Variants in CELF2 observed in about 807,000 individuals in gnomAD.
The protein encoded by CELF2 is CUGBP Elav-like family member 2.
In CELF2, 8 loss-of-function variants were observed where a neutral mutation model predicts 62.6. That is an observed-to-expected ratio of 0.13 (90% confidence interval 0.07 to 0.23). The LOEUF (loss-of-function observed/expected upper bound fraction) is 0.23. Among genes scored for constraint, CELF2 ranks in the 10% least tolerant of loss-of-function variants. The pLI, the probability that CELF2 is intolerant of heterozygous loss-of-function variation, is 1.00. For missense variants in CELF2, 333 were observed against 671.0 expected (o/e 0.50, Z 5.56); for synonymous variants, 258 against 250.0 (o/e 1.03, Z -0.30).
At chr10:10,760,571 A>T in the CELF2 span, among the ~76,000 whole-genome samples, 2 of 152,168 alleles carry the variant, frequency 1.3e-5, no homozygotes, top group Non-Finnish European at 2.9e-5. Context: ...GAAGCAGTGA[A>T]TGGGGGATGT....
chr10:10,509,473 A>T, the CELF2 span, among the ~76,000 whole-genome samples: 1 of 152,224 alleles, frequency 6.6e-6, no homozygotes, highest in South Asian at 2.1e-4. Flanking sequence ...GTGAGAACAG[A>T]GGAATCTGAC....
chr10:10,800,153 T>C (rs2054516150), intron 1 of CELF2, among the ~76,000 whole-genome samples: 1 of 152,248 alleles, frequency 6.6e-6, no homozygotes, highest in Non-Finnish European at 1.5e-5. Context: ...AAATTGCCAA[T>C]ACCCATCTTA....
At chr10:10,697,828 C>T in the CELF2 span, among the ~76,000 whole-genome samples, 17 of 152,250 alleles carry the variant, frequency 1.1e-4, no homozygotes, top group East Asian at 3.3e-3. Flanking sequence ...TGCTCTGTCA[C>T]CCAGGCTGGA....
At chr10:11,154,545 T>G (rs2063932894) in intron 1 of CELF2, among the ~76,000 whole-genome samples, 1 of 152,220 alleles carries the variant, frequency 6.6e-6, no homozygotes, top group Non-Finnish European at 1.5e-5. Flanking sequence ...GTTTTGAGAT[T>G]GTCAGAGAGG....
the CELF2 span, among the ~76,000 whole-genome samples, chr10:10,666,483 G>A: frequency 6.6e-6 from 1 of 152,188 alleles, no homozygotes; most frequent in Admixed American, 6.5e-5. Flanking sequence ...GGTAGTGGAA[G>A]TAGCAAACAA....
At chr10:10,573,906 T>A in the CELF2 span, among the ~76,000 whole-genome samples, 1 of 152,160 alleles carries the variant, frequency 6.6e-6, no homozygotes, top group African/African-American at 2.4e-5. Context: ...TGCATATTTT[T>A]ATTTATATAT....
chr10:11,089,757 G>T (rs1232991983), intron 1 of CELF2, among the ~76,000 whole-genome samples: 1 of 152,160 alleles, frequency 6.6e-6, no homozygotes, highest in East Asian at 1.9e-4. Context: ...GTTCACAATA[G>T]CAAAGACACG....
the CELF2 span, among the ~76,000 whole-genome samples, chr10:10,613,338 A>G: frequency 6.6e-6 from 1 of 152,174 alleles, no homozygotes; most frequent in African/African-American, 2.4e-5. Context: ...TACATATAAT[A>G]TCCATGCATG....
the CELF2 span, among the ~76,000 whole-genome samples, chr10:10,737,220 G>A: frequency 6.6e-6 from 1 of 152,032 alleles, no homozygotes; most frequent in Non-Finnish European, 1.5e-5. Flanking sequence ...TTAATGGTTC[G>A]CATACTGTCC....
chr10:11,036,100 G>T (rs1318697913), intron 1 of CELF2, among the ~76,000 whole-genome samples: 1 of 152,128 alleles, frequency 6.6e-6, no homozygotes, highest in Non-Finnish European at 1.5e-5. Context: ...TGAAAGCCAG[G>T]CTGTACTTAA....
At chr10:10,722,029 A>G in the CELF2 span, among the ~76,000 whole-genome samples, 4 of 152,334 alleles carry the variant, frequency 2.6e-5, no homozygotes, top group Middle Eastern at 0.014. Context: ...TTGGCCAGGC[A>G]TGGTGGCTCA....
chr10:10,493,361 G>A, the CELF2 span, among the ~76,000 whole-genome samples: 1 of 152,054 alleles, frequency 6.6e-6, no homozygotes, highest in Non-Finnish European at 1.5e-5. Flanking sequence ...GCATGGTGGA[G>A]ACGGTTCCAC....
intron 1 of CELF2, among the ~76,000 whole-genome samples, chr10:11,096,938 C>T (rs2050047481): frequency 1.3e-5 from 2 of 152,252 alleles, no homozygotes; most frequent in East Asian, 3.9e-4. Flanking sequence ...TCCTCCTCCT[C>T]CTTTCCTTCC....
rs189696149 is a variant in CELF2, at chr10:11,242,767, C to T, written c.355-6386C>T. Among the ~76,000 whole-genome samples, 77 of 152,216 alleles carry T rather than the reference C, an allele frequency of 5.1e-4. 1 individual carries two copies. The highest frequency in any genetic ancestry group is 1.8e-3 in the African/African-American group (75 of 41,516). ...AGCCAGGGTGAGGACCAGGGTGGAC[C>T]ACTCAGCTCTGGGACCCTGTGTGTG... On this transcript the variant is annotated intron_variant, in intron 3 of 12. Coordinates refer to ENST00000633077, the MANE Select transcript of CELF2 (RefSeq NM_001326342.2). This position sits in a 1 kb window ranked among gnomAD's most constrained non-coding sequence, Gnocchi z 4.8.
the CELF2 span, among the ~76,000 whole-genome samples, chr10:10,670,649 A>T: frequency 6.6e-6 from 1 of 152,160 alleles, no homozygotes; most frequent in Non-Finnish European, 1.5e-5. Context: ...TTGGTATTGT[A>T]CATTCTATGG....
At chr10:10,568,599 C>T in the CELF2 span, among the ~76,000 whole-genome samples, 1 of 152,144 alleles carries the variant, frequency 6.6e-6, no homozygotes, top group East Asian at 1.9e-4. Context: ...GTTGACTTTG[C>T]CTACAGCAAT....
At chr10:11,325,812 T>C in intron 11 of CELF2, 24 bp from the exon 12 acceptor site, 1 of 1,572,128 alleles carries the variant, frequency 6.4e-7, no homozygotes, top group Non-Finnish European at 8.6e-7. Context: ...GATACCTTAC[T>C]CTGACTTTTT....
intron 1 of CELF2, among the ~76,000 whole-genome samples, chr10:11,139,991 G>C (rs2061061700): frequency 6.6e-6 from 1 of 152,038 alleles, no homozygotes; most frequent in African/African-American, 2.4e-5. Context: ...TATTTTCCAG[G>C]AGGTTCAAAC....
chr10:10,727,775 CAAA>C, the CELF2 span, among the ~76,000 whole-genome samples: 2 of 139,104 alleles, frequency 1.4e-5, no homozygotes, highest in Admixed American at 7.1e-5. Flanking sequence ...GACTCTGTCT[CAAA>C]AAAAAAAAAA....
Sources: allele counts gnomAD v4.1 joint callset (sites outside exome capture counted in the v4.1 genomes callset), GRCh38; gene constraint gnomAD v4.1.1; non-coding constraint Gnocchi (gnomAD v3.1); transcripts MANE v1.5; gene names NCBI Gene and HGNC (gene_info 2026-07-23, HGNC 2026-07-21).